Variants in INPPL1 observed in about 807,000 individuals in gnomAD.
INPPL1 encodes the protein inositol polyphosphate phosphatase like 1, also known as phosphatidylinositol 3,4,5-trisphosphate 5-phosphatase 2.
INPPL1 carries 91 observed loss-of-function variants against 139.3 expected under a neutral mutation model. The observed-to-expected ratio is 0.65, with a 90% CI of 0.55 to 0.78. The LOEUF (loss-of-function observed/expected upper bound fraction) is 0.78. INPPL1 is among the 30% of genes least tolerant of loss of function. INPPL1 has a pLI of 0.00. For synonymous variants in INPPL1, 719 were observed against 686.6 expected, an observed-to-expected ratio of 1.05 and a Z score of -0.74; for missense variants, 1,411 against 1,665.6, an observed-to-expected ratio of 0.85 and a Z score of 2.66.
intron 5 of INPPL1, 86 bp downstream of exon 5, chr11:72,229,316 T>G (rs2135424510): frequency 2.1e-6 from 3 of 1,461,430 alleles, no homozygotes; most frequent in Admixed American, 1.8e-5. Context: ...TGCCCTGATC[T>G]CTGATCCTGA....
In INPPL1 at chr11:72,229,574, A is replaced by G. The variant is rs1395207351; in HGVS notation, c.753+16A>G. On this transcript the variant is annotated intron_variant, in intron 6 of 27. Transcript: ENST00000298229. Reference sequence around the variant, plus strand: ...GCAGCAGCAGGTAGATTGTAGGGAGACCTCTGGGAGGTGCGTTCGTGTTCT... The same window carrying G: ...GCAGCAGCAGGTAGATTGTAGGGAGGCCTCTGGGAGGTGCGTTCGTGTTCT... 1 of 1,613,308 alleles carries G rather than the reference A, an allele frequency of 6.2e-7. No homozygotes were observed.
chr11:72,228,381 A>T lies in INPPL1; in HGVS notation c.280A>T (p.Thr94Ser). 1 of 1,613,094 alleles carries T rather than the reference A, an allele frequency of 6.2e-7. No homozygotes were observed. The change falls in exon 3 of 28, where the codon ACC (threonine) becomes TCC (serine). Residue 94 changes from threonine to serine, a missense_variant. By Grantham distance (58) the Thr-to-Ser change is moderately conservative. Transcript: ENST00000298229. The surrounding 1 kb of genome is among the most constrained non-coding windows in gnomAD (Gnocchi z 5.0). ...GGGTGTGCCTGTGCGCCGCTTCCAG[A>T]CCCTGGGTGAGCTCATCGGCCTGTA... Reference protein sequence around the residue: ...SQGVPVRRFQTLGELIGLYAQ... With the variant: ...SQGVPVRRFQSLGELIGLYAQ...
intron 13 of INPPL1, 103 bp from the exon 14 acceptor site, chr11:72,232,137 G>A: frequency 1.1e-6 from 1 of 912,080 alleles, no homozygotes; most frequent in Non-Finnish European, 1.7e-6. Context: ...CGTCTGGTGG[G>A]CTCAGCGGGA....
chr11:72,224,768 T>G lies in INPPL1; in HGVS notation c.-217T>G, dbSNP rs1948619212. ...CCCGCCGCCTCTGAACAAACTTTTC[T>G]TTCTCTTCAAGTTGAGGCCGGCGCT... is the stretch of plus-strand genomic sequence containing the variant. On this transcript the variant is annotated 5_prime_UTR_variant, in exon 1 of 28. Coordinates refer to ENST00000298229, the MANE Select transcript of INPPL1 (RefSeq NM_001567.4). The G allele has an allele frequency of 5.6e-6, 1 of 180,112 alleles. No individual in the cohort carries two copies. Among genetic ancestry groups the G allele is most frequent in the Non-Finnish European group, 1.1e-5 (1 of 90,692 alleles). 11.2% of individuals were successfully genotyped at this position (180,112 alleles called of 1,614,324 possible). A position where few individuals can be genotyped will look rare whatever the true frequency, so the allele number is the denominator to read the frequency against.
At position 72,238,170 on chromosome 11, in the gene INPPL1, T is replaced by C. The variant is rs1378299910; in HGVS notation, c.3681T>C (p.Phe1227=). 2 of 1,603,376 alleles carry C rather than the reference T, an allele frequency of 1.2e-6. No homozygotes were observed. Among genetic ancestry groups the C allele is most frequent in the East Asian group, 2.2e-5 (1 of 44,668 alleles). The change falls in exon 27 of 28, where the codon TTT becomes TTC. Residue 1227 remains phenylalanine (F), a synonymous_variant. Coordinates refer to ENST00000298229, the MANE Select transcript of INPPL1 (RefSeq NM_001567.4). Reference sequence around the variant, plus strand: ...ATAATGGCTGGGACGACCTGGAGTTTCTCAGGTGGGGGAGGGGCTGGCCCC... The same window carrying C: ...ATAATGGCTGGGACGACCTGGAGTTCCTCAGGTGGGGGAGGGGCTGGCCCC... ...LVHNGWDDLE[F]LSDITEEDLE...
At chr11:72,237,870 C>A in intron 26 of INPPL1, 74 bp downstream of exon 26, 3 of 1,498,584 alleles carry the variant, frequency 2.0e-6, no homozygotes, top group South Asian at 1.3e-5. Flanking sequence ...TTCACTCCAC[C>A]ATTCAGCACT....
intron 14 of INPPL1, 70 bp from the exon 15 acceptor site, chr11:72,232,556 A>AT: frequency 6.4e-7 from 1 of 1,563,014 alleles, no homozygotes. Flanking sequence ...TCTTCCCTTT[A>AT]TGCCTATCCC....
intron 19 of INPPL1, 103 bp downstream of exon 19, chr11:72,233,847 T>G: frequency 2.2e-6 from 2 of 902,748 alleles, no homozygotes; most frequent in Non-Finnish European, 3.7e-6. Context: ...TGTGTGTGGG[T>G]GTGTGTACCA....
Position 72,234,364 on chromosome 11 carries a change from TTCA to T in INPPL1, c.2299_2301del (p.Ile767del). On this transcript the variant is annotated inframe_deletion, in exon 20 of 28. Transcript: ENST00000298229. This position sits in a 1 kb window ranked among gnomAD's most constrained non-coding sequence, Gnocchi z 4.2. ...GAAGACAGCCAGCCGCACCAAGTTC[TTCA>T]TCGAGTTCTACTCTACCTGCCTGGA... The T allele has an allele frequency of 6.2e-7, 1 of 1,614,138 alleles. No homozygotes were observed. Among genetic ancestry groups the T allele is most frequent in the East Asian group, 2.2e-5 (1 of 44,878 alleles).
At chr11:72,229,441 C>A (rs770212675) in intron 5 of INPPL1, 24 bp from the exon 6 acceptor site, 3 of 1,610,062 alleles carry the variant, frequency 1.9e-6, no homozygotes, top group Non-Finnish European at 2.6e-6. Flanking sequence ...GGTGGGAGTT[C>A]TTTTGATCTG....
chr11:72,230,515 C>T (rs755736653), intron 10 of INPPL1, 47 bp downstream of exon 10: 1 of 1,521,660 alleles, frequency 6.6e-7, no homozygotes, highest in Non-Finnish European at 9.1e-7. Flanking sequence ...GGGGGTCCCC[C>T]ACATGGGTGC....
chr11:72,233,053 A>G, intron 16 of INPPL1, 22 bp from the exon 17 acceptor site: 1 of 1,612,926 alleles, frequency 6.2e-7, no homozygotes, highest in South Asian at 1.1e-5. Flanking sequence ...CCTGAACCCC[A>G]CCTGTCTCCT....
chr11:72,238,436 T>C lies in INPPL1; in HGVS notation c.*83T>C, dbSNP rs1041488474. ...CTATGGCCCCAGGGTTGAAAAGTTA[T>C]GAGGGTCAGGGCAGTATCTCTCTGC... On this transcript the variant is annotated 3_prime_UTR_variant, in exon 28 of 28. Coordinates refer to ENST00000298229, the MANE Select transcript of INPPL1 (RefSeq NM_001567.4). 1.2e-5 allele frequency: 15 copies of C among 1,211,670 alleles called. No homozygotes were observed. Among genetic ancestry groups the C allele is most frequent in the African/African-American group, 1.5e-5 (1 of 64,540 alleles). 75.1% of individuals were successfully genotyped at this position (1,211,670 alleles called of 1,614,324 possible). A position where few individuals can be genotyped will look rare whatever the true frequency, so the allele number is the denominator to read the frequency against.
intron 1 of INPPL1, chr11:72,225,478 G>A: frequency 1.0e-6 from 1 of 985,446 alleles, no homozygotes; most frequent in Non-Finnish European, 1.2e-6. Context: ...CAGGTAGAAG[G>A]GAGCAGGGGA....
At chr11:72,232,427 C>A in intron 14 of INPPL1, 91 bp downstream of exon 14, 1 of 1,288,380 alleles carries the variant, frequency 7.8e-7, no homozygotes, top group South Asian at 1.3e-5. Context: ...ATGACCCTCC[C>A]GCAGGCCTGT....
rs76160915 is a variant in INPPL1, at chr11:72,238,656, C to T, written c.*303C>T. Reference sequence around the variant, plus strand: ...ACCCCGCCTCCCAGCCCCAGGGGTGCCTGTGGGGGTCCATTTGGGTACGTC... The same window carrying T: ...ACCCCGCCTCCCAGCCCCAGGGGTGTCTGTGGGGGTCCATTTGGGTACGTC... On this transcript the variant is annotated 3_prime_UTR_variant, in exon 28 of 28. Transcript: ENST00000298229. 624 of 237,748 alleles carry T rather than the reference C, an allele frequency of 2.6e-3. 7 individuals carry two copies. Among genetic ancestry groups the T allele is most frequent in the African/African-American group, 0.012 (533 of 44,592 alleles). 14.7% of individuals were successfully genotyped at this position (237,748 alleles called of 1,614,324 possible).
chr11:72,229,354 T>C, intron 5 of INPPL1, 111 bp from the exon 6 acceptor site: 2 of 1,410,584 alleles, frequency 1.4e-6, no homozygotes, highest in South Asian at 2.4e-5. Flanking sequence ...GCCTCTTGAC[T>C]TTCCTCACTG....
At position 72,234,732 on chromosome 11, in the gene INPPL1, A is replaced by AGTGTGTGT. The variant is rs112903949; in HGVS notation, c.2415+142_2415+149dup. 2.5e-3 allele frequency: 1,335 copies of AGTGTGTGT among 528,058 alleles called. 1 individual carries two copies. The highest frequency in any genetic ancestry group is 4.5e-3 in the Middle Eastern group (9 of 1,994). The allele number at this position is 528,058 out of a possible 1,614,324, so 32.7% of individuals were successfully genotyped here. ...GGGGCCAGCAGAGAGAGAGAGAGAGAGTGTGTGTGTGTGTGTGTGTGTGTG... is the reference window on the plus strand; with the variant it reads ...GGGGCCAGCAGAGAGAGAGAGAGAGAGTGTGTGTGTGTGTGTGTGTGTGTGTGTGTGTG... On this transcript the variant is annotated intron_variant, in intron 21 of 27. Transcript: ENST00000298229. The surrounding 1 kb of genome is among the most constrained non-coding windows in gnomAD (Gnocchi z 4.2).
chr11:72,234,652 G>A lies in INPPL1; in HGVS notation c.2415+37G>A. ...GGCAGGGCCCCTGCTTATGGGTGAG[G>A]GCACAGAGAGGGGTACATAAGAGTT... On this transcript the variant is annotated intron_variant, in intron 21 of 27. Transcript: ENST00000298229. This position sits in a 1 kb window ranked among gnomAD's most constrained non-coding sequence, Gnocchi z 4.2. The A allele has an allele frequency of 6.9e-7, 1 of 1,457,430 alleles. No homozygotes were observed. The highest frequency in any genetic ancestry group is 9.6e-7 in the Non-Finnish European group (1 of 1,038,882). 90.3% of individuals were successfully genotyped at this position (1,457,430 alleles called of 1,614,324 possible). A position where few individuals can be genotyped will look rare whatever the true frequency, so the allele number is the denominator to read the frequency against.
Sources: allele counts gnomAD v4.1 joint callset, GRCh38; gene constraint gnomAD v4.1.1; non-coding constraint Gnocchi (gnomAD v3.1); transcripts MANE v1.5; gene names NCBI Gene and HGNC (gene_info 2026-07-23, HGNC 2026-07-21).